Variants in SEPTIN10 observed in about 807,000 individuals in gnomAD.
SEPTIN10 encodes septin-10.
Under a neutral mutation model 54.8 loss-of-function variants are expected in SEPTIN10, and 66 were observed. The ratio of observed to expected loss-of-function variants is 1.21; its 90% CI spans 0.99 to 1.48. The LOEUF is 1.48. Among genes scored for constraint, SEPTIN10 ranks in the 40% most tolerant of loss-of-function variants. SEPTIN10 has a pLI of 0.00. For synonymous variants in SEPTIN10, 161 were observed against 181.0 expected (o/e 0.89, Z 0.89); for missense variants, 620 against 545.6 (o/e 1.14, Z -1.36).
chr2:109,548,197 G>T lies in SEPTIN10; in HGVS notation c.1162-1960C>A, dbSNP rs553347634. On this transcript the variant is annotated intron_variant, in intron 9 of 10. Transcript: ENST00000397712. The stretch of plus-strand genomic sequence containing the variant: ...TACCTCAAAAAAAAAAAAAACTAGG[G>T]TCTTAAGCCAGCTCCATAGGAATCA... Among the ~76,000 whole-genome samples, 119 of 151,836 alleles carry T rather than the reference G, an allele frequency of 7.8e-4. 3 individuals carry two copies. The highest frequency in any genetic ancestry group is 2.6e-3 in the African/African-American group (109 of 41,402).
chr2:109,576,476 T>A (rs1257056542), intron 4 of SEPTIN10, among the ~76,000 whole-genome samples: 3 of 152,100 alleles, frequency 2.0e-5, no homozygotes, highest in Admixed American at 6.5e-5. Context: ...AAGAATTCAA[T>A]TCATCATCAA....
At chr2:109,558,622 G>C (rs1256209846) in intron 8 of SEPTIN10, among the ~76,000 whole-genome samples, 2 of 152,076 alleles carry the variant, frequency 1.3e-5, no homozygotes, top group African/African-American at 4.8e-5. Flanking sequence ...TGGGCCTCGT[G>C]ACAAGCCTGC....
chr2:109,555,011 C>T (rs905972094), intron 8 of SEPTIN10, among the ~76,000 whole-genome samples: 2 of 152,126 alleles, frequency 1.3e-5, no homozygotes, highest in African/African-American at 4.8e-5. Flanking sequence ...TCTACAGATA[C>T]CAGATTACAG....
intron 8 of SEPTIN10, among the ~76,000 whole-genome samples, chr2:109,563,164 G>C (rs1686110059): frequency 6.6e-6 from 1 of 152,092 alleles, no homozygotes. Flanking sequence ...GCCCGCCTTG[G>C]CCTCCCAAAG....
intron 1 of SEPTIN10, among the ~76,000 whole-genome samples, chr2:109,607,619 ATC>A (rs1248212661): frequency 1.3e-5 from 2 of 152,178 alleles, no homozygotes; most frequent in African/African-American, 2.4e-5. Context: ...TAAAAATTAA[ATC>A]TGTTATTAAT....
chr2:109,587,254 A>G (rs765333441), intron 2 of SEPTIN10, among the ~76,000 whole-genome samples: 3 of 152,224 alleles, frequency 2.0e-5, no homozygotes, highest in Non-Finnish European at 4.4e-5. Flanking sequence ...AGTAAAAAAT[A>G]TATTTAGTAC....
At chr2:109,597,278 A>G (rs28588372) in intron 1 of SEPTIN10, among the ~76,000 whole-genome samples, 42,808 of 152,148 alleles carry the variant, frequency 0.28, 6,328 homozygotes, top group Admixed American at 0.4. Flanking sequence ...AAAAGTAATA[A>G]TAGGACAAGA....
intron 8 of SEPTIN10, among the ~76,000 whole-genome samples, chr2:109,559,613 G>A (rs114213415): frequency 6.6e-6 from 1 of 152,150 alleles, no homozygotes; most frequent in Non-Finnish European, 1.5e-5. Flanking sequence ...CTTGGTACCA[G>A]TATCCATTAT....
At chr2:109,581,577 T>C (rs372346861) in intron 4 of SEPTIN10, among the ~76,000 whole-genome samples, 1 of 150,954 alleles carries the variant, frequency 6.6e-6, no homozygotes, top group Admixed American at 6.6e-5. Context: ...GGGGAAGAAA[T>C]GGGACTGAAC....
intron 4 of SEPTIN10, among the ~76,000 whole-genome samples, chr2:109,583,380 T>C (rs1226756418): frequency 6.6e-6 from 1 of 151,990 alleles, no homozygotes; most frequent in Admixed American, 6.6e-5. Flanking sequence ...CCAACAAACA[T>C]GACAAAACGC....
At chr2:109,613,225 G>GT in intron 1 of SEPTIN10, 3 of 1,275,694 alleles carry the variant, frequency 2.4e-6, no homozygotes, top group Non-Finnish European at 3.1e-6. Context: ...ATCTACAAAA[G>GT]TAACTGGAAA....
At chr2:109,544,607 GA>G in intron 10 of SEPTIN10, 3 of 954,384 alleles carry the variant, frequency 3.1e-6, no homozygotes, top group Non-Finnish European at 3.7e-6. Context: ...TCATATAGGG[GA>G]AAAAATGGGA....
intron 4 of SEPTIN10, among the ~76,000 whole-genome samples, chr2:109,574,991 A>G (rs1689343243): frequency 6.6e-6 from 1 of 152,264 alleles, no homozygotes; most frequent in Admixed American, 6.5e-5. Flanking sequence ...AATCCATCAC[A>G]TAAGTTGAAA....
chr2:109,597,812 TA>T lies in SEPTIN10; in HGVS notation c.31-4694del, dbSNP rs959091870. 6.9e-4 allele frequency among the ~76,000 whole-genome samples: 105 copies of T among 152,298 alleles called. 1 individual carries two copies. The highest frequency in any genetic ancestry group is 2.5e-3 in the African/African-American group (103 of 41,568). On this transcript the variant is annotated intron_variant, in intron 1 of 10. Coordinates refer to ENST00000397712, the MANE Select transcript of SEPTIN10 (RefSeq NM_144710.5). ...GGAAAGTCTGGTGCTGCACCTTTTTTAAAATCTCAGTTTGTGGGATACAGGC... is the reference window on the plus strand; with the variant it reads ...GGAAAGTCTGGTGCTGCACCTTTTTTAAATCTCAGTTTGTGGGATACAGGC...
At chr2:109,556,062 T>C (rs1684299800) in intron 8 of SEPTIN10, among the ~76,000 whole-genome samples, 1 of 152,130 alleles carries the variant, frequency 6.6e-6, no homozygotes, top group Non-Finnish European at 1.5e-5. Flanking sequence ...TCTCTAGACA[T>C]TTCAGTTTCT....
At chr2:109,605,290 T>G (rs1697676006) in intron 1 of SEPTIN10, 1 of 152,062 alleles carries the variant, frequency 6.6e-6, no homozygotes, top group Admixed American at 6.6e-5. Flanking sequence ...CCCAACATGG[T>G]GAAACTCTGT....
rs774189615 is a variant in SEPTIN10 at position 109,565,830 on chromosome 2, AC to A, written c.791del (p.Ser264IlefsTer5). On this transcript the variant is annotated frameshift_variant, in exon 7 of 11. Coordinates refer to ENST00000397712, the MANE Select transcript of SEPTIN10 (RefSeq NM_144710.5). LOFTEE classifies it high-confidence loss of function. The part of the protein sequence containing the change: ...NGQLPFAVVG[S>X]MDEVKVGNKM... The stretch of plus-strand genomic sequence containing the variant: ...TGTTTCCGACTTTTACCTCATCCAT[AC>A]TTCCCACAACAGCAAACGGCAACTG... 6.3e-5 allele frequency: 101 copies of A among 1,614,040 alleles called. No individual in the cohort carries two copies. Among genetic ancestry groups the A allele is most frequent in the Non-Finnish European group, 7.8e-5 (92 of 1,179,988 alleles).
chr2:109,576,132 G>A (rs1405506043), intron 4 of SEPTIN10, among the ~76,000 whole-genome samples: 1 of 152,108 alleles, frequency 6.6e-6, no homozygotes, highest in East Asian at 1.9e-4. Flanking sequence ...GCATTGTGAG[G>A]TGCCTATAGT....
chr2:109,579,192 T>C (rs1009143488), intron 4 of SEPTIN10, among the ~76,000 whole-genome samples: 4 of 152,190 alleles, frequency 2.6e-5, no homozygotes, highest in Admixed American at 1.3e-4. Context: ...AATGGACAGA[T>C]TCCTGGAAAA....
Sources: allele counts gnomAD v4.1 joint callset (sites outside exome capture counted in the v4.1 genomes callset), GRCh38; gene constraint gnomAD v4.1.1; transcripts MANE v1.5; gene names NCBI Gene and HGNC (gene_info 2026-07-23, HGNC 2026-07-21).